GABRP: variants seen among roughly 807,000 people sequenced by gnomAD.
GABRP encodes the protein gamma-aminobutyric acid type A receptor subunit pi.
GABRP carries 52 observed loss-of-function variants against 47.8 expected under a neutral mutation model. That is an observed-to-expected ratio of 1.09 (90% CI 0.87 to 1.37). The LOEUF (loss-of-function observed/expected upper bound fraction) is 1.37, where lower values mean the gene tolerates loss of function less well. Ranked by LOEUF, GABRP falls within the 40% of genes most tolerant of loss-of-function variation. The pLI is 0.00. For synonymous variants in GABRP, 221 were observed against 205.8 expected, an observed-to-expected ratio of 1.07 and a Z score of -0.63; for missense variants, 525 against 542.8, an observed-to-expected ratio of 0.97 and a Z score of 0.33.
rs961058671 is a variant in GABRP at position 170,812,807 on chromosome 5, T to C, written c.*549T>C. The C allele has an allele frequency of 2.0e-5, 3 of 152,502 alleles. No homozygotes were observed. Among genetic ancestry groups the C allele is most frequent in the Non-Finnish European group, 4.4e-5 (3 of 68,296 alleles). The allele number at this position is 152,502 out of a possible 1,614,324, so 9.4% of individuals were successfully genotyped here. On this transcript the variant is annotated 3_prime_UTR_variant, in exon 10 of 10. Transcript: ENST00000265294. ...AATACCAAGATGAGTTTTTAAATAATGAATATTATTTAATACCACAACAGA... is the reference window on the plus strand; with the variant it reads ...AATACCAAGATGAGTTTTTAAATAACGAATATTATTTAATACCACAACAGA...
Position 170,794,255 on chromosome 5 carries a change from C to T in GABRP, c.197C>T (p.Thr66Ile). Residue 66 changes from threonine to isoleucine, a missense_variant, in exon 4 of 10, where the codon ACT becomes ATT. By Grantham distance (89) the Thr-to-Ile change is moderately conservative (BLOSUM62 -1). Transcript: ENST00000265294. ...GGAGAACCCGTACAGATAGCGCTGA[C>T]TCTGGACATTGCAAGTATCTCTAGC... ...FGGEPVQIAL[T>I]LDIASISSIS... 2 of 1,611,478 alleles carry T rather than the reference C, an allele frequency of 1.2e-6. No homozygotes were observed. Among genetic ancestry groups the T allele is most frequent in the Non-Finnish European group, 1.7e-6 (2 of 1,178,808 alleles).
intron 6 of GABRP, among the ~76,000 whole-genome samples, chr5:170,803,710 G>A (rs927148181): frequency 1.4e-4 from 21 of 152,010 alleles, no homozygotes; most frequent in South Asian, 6.2e-4. Context: ...TGCCTTTTCT[G>A]GATATTTCTT....
At chr5:170,803,289 C>A (rs1765642809) in intron 6 of GABRP, among the ~76,000 whole-genome samples, 1 of 152,184 alleles carries the variant, frequency 6.6e-6, no homozygotes, top group Non-Finnish European at 1.5e-5. Context: ...ACACCGGCAT[C>A]ACATTTCCCA....
chr5:170,783,204 A>G (rs970023478), upstream of GABRP, among the ~76,000 whole-genome samples: 4 of 151,982 alleles, frequency 2.6e-5, no homozygotes, highest in Non-Finnish European at 4.4e-5. Flanking sequence ...TCTTTTTGAA[A>G]CTTCCCAGGC....
chr5:170,796,398 G>T (rs1322635552), intron 5 of GABRP, among the ~76,000 whole-genome samples: 1 of 152,134 alleles, frequency 6.6e-6, no homozygotes, highest in Non-Finnish European at 1.5e-5. Flanking sequence ...GCATGCATTT[G>T]TGTGTACATG....
intron 3 of GABRP, among the ~76,000 whole-genome samples, chr5:170,792,454 G>A (rs983015413): frequency 2.1e-5 from 3 of 139,718 alleles, no homozygotes; most frequent in Non-Finnish European, 4.6e-5. Context: ...AAAAAAAAAA[G>A]AAAGAAAGAA....
At chr5:170,789,925 C>T (rs1043170012) in intron 3 of GABRP, among the ~76,000 whole-genome samples, 3 of 152,140 alleles carry the variant, frequency 2.0e-5, no homozygotes, top group Non-Finnish European at 2.9e-5. Flanking sequence ...TCAGAGCAAA[C>T]GCTGCCTTCT....
chr5:170,800,465 T>TC (rs201641459), intron 6 of GABRP, among the ~76,000 whole-genome samples: 1 of 152,208 alleles, frequency 6.6e-6, no homozygotes, highest in African/African-American at 2.4e-5. Flanking sequence ...CTATTTTATT[T>TC]TTTTTTTCTG....
intron 7 of GABRP, among the ~76,000 whole-genome samples, chr5:170,806,911 TTTTTC>T (rs1291836702): frequency 1.3e-5 from 2 of 152,096 alleles, no homozygotes; most frequent in Non-Finnish European, 2.9e-5. Context: ...TTTCTTTTCT[TTTTTC>T]TTTTATCTAT....
intron 6 of GABRP, among the ~76,000 whole-genome samples, chr5:170,800,404 A>G (rs1049541130): frequency 6.6e-6 from 1 of 152,204 alleles, no homozygotes; most frequent in Non-Finnish European, 1.5e-5. Flanking sequence ...AGAAAACCTA[A>G]GCAATACCAT....
At chr5:170,799,244 T>C (rs1458216550) in intron 6 of GABRP, among the ~76,000 whole-genome samples, 1 of 152,220 alleles carries the variant, frequency 6.6e-6, no homozygotes, top group Non-Finnish European at 1.5e-5. Context: ...TAAATATACA[T>C]GTGCATGTGT....
In GABRP at chr5:170,789,227, T is replaced by A. The variant is rs1765202349; in HGVS notation, c.152T>A (p.Phe51Tyr). ...AACCTCACAGCAGGATATAACAAAT[T>A]TCTCAGGCCCAATTTTGGTGGTAGG... ...FENLTAGYNK[F>Y]LRPNFGGEPV... is the part of the protein sequence containing the mutation. Residue 51 changes from phenylalanine (F) to tyrosine (Y), a missense_variant, in exon 3 of 10, where the codon TTT (phenylalanine) becomes TAT (tyrosine). By Grantham distance (22) the Phe-to-Tyr change is conservative. Transcript: ENST00000265294. 1 of 1,613,558 alleles carries A rather than the reference T, an allele frequency of 6.2e-7. No homozygotes were observed. Among genetic ancestry groups the A allele is most frequent in the Middle Eastern group, 1.7e-4 (1 of 6,060 alleles).
chr5:170,787,003 T>C (rs1765146611), intron 1 of GABRP, among the ~76,000 whole-genome samples: 1 of 152,178 alleles, frequency 6.6e-6, no homozygotes, highest in Non-Finnish European at 1.5e-5. Context: ...TATGTTTTTT[T>C]AAATAGACTT....
intron 5 of GABRP, 126 bp from the exon 6 acceptor site, chr5:170,797,340 A>G (rs1445016163): frequency 2.2e-5 from 15 of 668,772 alleles, no homozygotes; most frequent in Non-Finnish European, 3.9e-5. Flanking sequence ...CTTTACATGC[A>G]GACTCCAAGC....
At chr5:170,797,242 T>C (rs761641401) in intron 5 of GABRP, among the ~76,000 whole-genome samples, 6 of 152,254 alleles carry the variant, frequency 3.9e-5, no homozygotes, top group Non-Finnish European at 8.8e-5. Context: ...GCCCCTTGAA[T>C]GGCCAGCATT....
chr5:170,804,749 A>G (rs1477590137), intron 6 of GABRP, among the ~76,000 whole-genome samples: 1 of 151,848 alleles, frequency 6.6e-6, no homozygotes, highest in Non-Finnish European at 1.5e-5. Context: ...TATCATCGTC[A>G]CTCATAGACT....
intron 1 of GABRP, 185 bp from the exon 2 acceptor site, chr5:170,788,389 C>G (rs959545893): frequency 1.4e-5 from 6 of 428,442 alleles, no homozygotes; most frequent in Non-Finnish European, 1.6e-5. Context: ...CATAATCCTC[C>G]AAAATGAAGT....
chr5:170,800,066 G>A (rs13171610), intron 6 of GABRP, among the ~76,000 whole-genome samples: 13,264 of 152,170 alleles, frequency 0.087, 1,397 homozygotes, highest in African/African-American at 0.25. Context: ...AAAGCTGGAG[G>A]CATCATGCTA....
At chr5:170,800,719 A>G (rs898584533) in intron 6 of GABRP, among the ~76,000 whole-genome samples, 4 of 152,188 alleles carry the variant, frequency 2.6e-5, no homozygotes, top group Non-Finnish European at 4.4e-5. Flanking sequence ...GCCAAGGTGG[A>G]CAGATTACTT....
Sources: allele counts gnomAD v4.1 joint callset (sites outside exome capture counted in the v4.1 genomes callset), GRCh38; gene constraint gnomAD v4.1.1; transcripts MANE v1.5; gene names NCBI Gene and HGNC (gene_info 2026-07-23, HGNC 2026-07-21).